The following STK3 variants were observed in gnomAD, a reference collection of about 807,000 sequenced individuals.
STK3 encodes the protein serine/threonine-protein kinase 3.
STK3 carries 41 observed loss-of-function variants against 58.0 expected under a neutral mutation model. That is an observed-to-expected ratio of 0.71 (90% CI 0.55 to 0.92). The LOEUF (loss-of-function observed/expected upper bound fraction) is 0.92, where lower values mean the gene tolerates loss of function less well. Among genes scored for constraint, STK3 ranks in the 40% least tolerant of loss-of-function variants. The pLI, the probability that STK3 is intolerant of heterozygous loss-of-function variation, is 0.00. For synonymous variants in STK3, 170 were observed against 191.0 expected (o/e 0.89, Z 0.91); for missense variants, 479 against 602.7 (o/e 0.79, Z 2.15).
chr8:98,453,165 G>C (rs1445070175), downstream of STK3, among the ~76,000 whole-genome samples: 2 of 93,718 alleles, frequency 2.1e-5, no homozygotes, highest in African/African-American at 9.1e-5. Context: ...TTGGCCCACT[G>C]CAACCTTCTG....
chr8:98,839,571 C>T (rs748222697), intron 3 of STK3, among the ~76,000 whole-genome samples: 8 of 152,198 alleles, frequency 5.3e-5, no homozygotes, highest in Middle Eastern at 3.2e-3. Context: ...CCATTACAAT[C>T]TTCTTTTTGC....
intron 10 of STK3, among the ~76,000 whole-genome samples, chr8:98,457,348 C>T (rs1419121623): frequency 6.6e-6 from 1 of 152,196 alleles, no homozygotes; most frequent in East Asian, 1.9e-4. Flanking sequence ...GAACTGTACA[C>T]ATCGGTAATG....
intron 6 of STK3, chr8:98,598,843 C>G: frequency 4.1e-6 from 4 of 985,422 alleles, no homozygotes; most frequent in Non-Finnish European, 4.8e-6. Context: ...TACCAAACCT[C>G]TGATTATGTT....
chr8:98,492,009 C>T (rs956007614), intron 10 of STK3, among the ~76,000 whole-genome samples: 4 of 152,102 alleles, frequency 2.6e-5, no homozygotes, highest in Non-Finnish European at 4.4e-5. Flanking sequence ...AATAGAACTA[C>T]TAATAAAAGG....
At chr8:98,740,235 T>C (rs542312082) in intron 4 of STK3, among the ~76,000 whole-genome samples, 7 of 151,906 alleles carry the variant, frequency 4.6e-5, no homozygotes, top group Admixed American at 3.9e-4. Flanking sequence ...ATTCAGGAAA[T>C]ACAGAGAACG....
chr8:98,585,358 T>C (rs1031017456), intron 7 of STK3, among the ~76,000 whole-genome samples: 3 of 152,154 alleles, frequency 2.0e-5, no homozygotes, highest in Admixed American at 6.5e-5. Context: ...AGGGAATCCT[T>C]TCCCCATTGC....
chr8:98,661,282 T>C (rs1821946981), intron 6 of STK3, among the ~76,000 whole-genome samples: 1 of 152,154 alleles, frequency 6.6e-6, no homozygotes, highest in Non-Finnish European at 1.5e-5. Context: ...AACAAATCTG[T>C]GGTAGATGAA....
chr8:98,597,589 T>C (rs1452007000), intron 6 of STK3: 4 of 985,318 alleles, frequency 4.1e-6, no homozygotes, highest in Non-Finnish European at 4.8e-6. Context: ...CCAGTGGACC[T>C]ACTTCGTTCA....
At chr8:98,942,158 G>A (rs1025753234) in intron 1 of STK3, among the ~76,000 whole-genome samples, 1 of 152,206 alleles carries the variant, frequency 6.6e-6, no homozygotes, top group Non-Finnish European at 1.5e-5. Flanking sequence ...ACGAGGGGCT[G>A]GCTGGGTCTG....
chr8:98,941,007 C>T (rs1364101291), intron 1 of STK3, among the ~76,000 whole-genome samples: 1 of 152,218 alleles, frequency 6.6e-6, no homozygotes, highest in African/African-American at 2.4e-5. Flanking sequence ...GGCCCAGGTA[C>T]AGGGAGCCGC....
intron 4 of STK3, among the ~76,000 whole-genome samples, chr8:98,731,952 T>C (rs1047426110): frequency 9.9e-5 from 15 of 151,984 alleles, no homozygotes; most frequent in African/African-American, 3.6e-4. Context: ...AAACAGACAA[T>C]AGCATTTATT....
At chr8:98,557,328 C>T (rs1020294682) in intron 8 of STK3, among the ~76,000 whole-genome samples, 3 of 151,994 alleles carry the variant, frequency 2.0e-5, no homozygotes, top group African/African-American at 7.2e-5. Flanking sequence ...TCCTACTAAA[C>T]TAAAAACACT....
rs887795181 is a variant in STK3, at chr8:98,655,501, A to C, written c.684+50966T>G. On this transcript the variant is annotated intron_variant, in intron 6 of 10. Coordinates refer to ENST00000419617, the MANE Select transcript of STK3 (RefSeq NM_006281.4). ...TTGACAAATGGGATCTAATTAAACT[A>C]AAGAGCTTCTGCACAGCAAAAGAAA... Among the ~76,000 whole-genome samples the C allele has an allele frequency of 1.2e-4, 19 of 152,254 alleles. No individual in the cohort carries two copies. The East Asian group carries it at 3.7e-3, about 29-fold the overall frequency.
At chr8:98,660,337 A>G (rs955778099) in intron 6 of STK3, among the ~76,000 whole-genome samples, 1 of 151,980 alleles carries the variant, frequency 6.6e-6, no homozygotes, top group South Asian at 2.1e-4. Flanking sequence ...AATCCTGCAG[A>G]TCTGCTGTAC....
chr8:98,747,714 C>T (rs1007015020), intron 4 of STK3, among the ~76,000 whole-genome samples: 2 of 152,156 alleles, frequency 1.3e-5, no homozygotes, highest in African/African-American at 2.4e-5. Context: ...ATCAAGGCAA[C>T]ACTCAGAAAC....
At chr8:98,582,276 T>C (rs1045784262) in intron 7 of STK3, among the ~76,000 whole-genome samples, 1 of 152,062 alleles carries the variant, frequency 6.6e-6, no homozygotes, top group African/African-American at 2.4e-5. Flanking sequence ...CATCTTTTTC[T>C]TGTTGAAATA....
At chr8:98,572,955 C>T (rs1813081207) in intron 8 of STK3, among the ~76,000 whole-genome samples, 1 of 151,674 alleles carries the variant, frequency 6.6e-6, no homozygotes, top group Non-Finnish European at 1.5e-5. Flanking sequence ...AAAAACCTGA[C>T]ATAATTTTTA....
intron 1 of STK3, among the ~76,000 whole-genome samples, chr8:98,929,190 C>T (rs755368128): frequency 2.0e-5 from 3 of 152,060 alleles, no homozygotes; most frequent in East Asian, 1.9e-4. Flanking sequence ...TGCTTGAACC[C>T]GAGAGGCAGA....
At chr8:98,399,669 C>A (rs75936637), downstream of STK3, among the ~76,000 whole-genome samples, 2 of 152,138 alleles carry the variant, frequency 1.3e-5, no homozygotes, top group East Asian at 3.9e-4. Context: ...TCAAGAAGAT[C>A]AAAGGGGTGA....
Sources: allele counts gnomAD v4.1 joint callset (sites outside exome capture counted in the v4.1 genomes callset), GRCh38; gene constraint gnomAD v4.1.1; transcripts MANE v1.5; gene names NCBI Gene and HGNC (gene_info 2026-07-23, HGNC 2026-07-21).